MDN1: variants seen among roughly 807,000 people sequenced by gnomAD.
MDN1 encodes the protein midasin AAA ATPase 1, also known as midasin.
In MDN1, 266 loss-of-function variants were observed where a neutral mutation model predicts 669.2. The observed-to-expected ratio is 0.40, with a 90% CI of 0.36 to 0.44. The LOEUF (loss-of-function observed/expected upper bound fraction) is 0.44. Ranked by LOEUF, MDN1 falls within the 20% of genes least tolerant of loss-of-function variation. The pLI, the probability that MDN1 is intolerant of heterozygous loss-of-function variation, is 1.00. For missense variants in MDN1, 5,940 were observed against 6,754.0 expected, an observed-to-expected ratio of 0.88 and a Z score of 4.22; for synonymous variants, 2,385 against 2,457.1, an observed-to-expected ratio of 0.97 and a Z score of 0.87.
chr6:89,706,978 C>T (rs1312384222), intron 52 of MDN1, among the ~76,000 whole-genome samples: 2 of 152,000 alleles, frequency 1.3e-5, no homozygotes, highest in Non-Finnish European at 2.9e-5. Flanking sequence ...ATGCTCCCTC[C>T]TATAATAAAT....
rs746730673 is a variant in MDN1, at chr6:89,713,204, A to G, written c.7162T>C (p.Ser2388Pro). The G allele has an allele frequency of 2.5e-6, 4 of 1,614,120 alleles. No homozygotes were observed. In the South Asian group the frequency reaches 3.3e-5, roughly 13 times the overall value. Residue 2388 changes from serine to proline, a missense_variant, in exon 47 of 102, where the codon TCT (serine) becomes CCT (proline). This residue lies in a region of MDN1 where 2,292 missense variants were observed against 2,638.3 expected (regional missense o/e 0.87). Coordinates refer to ENST00000369393, the MANE Select transcript of MDN1 (RefSeq NM_014611.3). The stretch of plus-strand genomic sequence containing the variant: ...ACATATACTTCCCAGCATGCTTCAG[A>G]AAAGGCTCTGTCTAAACTCAGCCCT... Reference protein sequence around the residue: ...QRGLSLDRAFSEACWEVYVCS... With the variant: ...QRGLSLDRAFPEACWEVYVCS...
chr6:89,733,436 C>T (rs929877458), intron 33 of MDN1, among the ~76,000 whole-genome samples: 33 of 151,456 alleles, frequency 2.2e-4, no homozygotes, highest in African/African-American at 6.5e-4. Flanking sequence ...CTTTATAAAA[C>T]GTCTTAAGTC....
chr6:89,791,875 A>ATTT (rs66492732), intron 5 of MDN1, among the ~76,000 whole-genome samples: 189 of 113,974 alleles, frequency 1.7e-3, no homozygotes, highest in African/African-American at 2.2e-3. Flanking sequence ...AAAACTTTTA[A>ATTT]TTTTTTTTTT....
intron 1 of MDN1, among the ~76,000 whole-genome samples, chr6:89,808,838 G>GT (rs1408665362): frequency 6.6e-6 from 1 of 152,114 alleles, no homozygotes; most frequent in Non-Finnish European, 1.5e-5. Context: ...ATGTTTGAAC[G>GT]TTTTTCATAT....
At chr6:89,728,104 C>G (rs1386889437) in intron 36 of MDN1, 149 bp from the exon 37 acceptor site, 14 of 953,598 alleles carry the variant, frequency 1.5e-5, no homozygotes, top group Non-Finnish European at 2.1e-5. Context: ...AATCCCAGCT[C>G]TCTTTACCAG....
chr6:89,650,383 A>G (rs1270335227), intron 96 of MDN1, among the ~76,000 whole-genome samples, 185 bp from the exon 97 acceptor site: 1 of 152,226 alleles, frequency 6.6e-6, no homozygotes, highest in Non-Finnish European at 1.5e-5. Flanking sequence ...AAAACTGGAC[A>G]CGTATGTGGC....
chr6:89,747,462 G>C lies in MDN1; in HGVS notation c.3771C>G (p.Arg1257=). 1 of 1,613,386 alleles carries C rather than the reference G, an allele frequency of 6.2e-7. No individual in the cohort carries two copies. The highest frequency in any genetic ancestry group is 1.1e-5 in the South Asian group (1 of 90,960). Residue 1257 remains arginine (R), a synonymous_variant, in exon 27 of 102, where the codon CGC becomes CGG. Transcript: ENST00000369393. ...VKVMLDLQSY[R]RSSSVFAGKQ... is the part of the protein sequence containing the mutation. ...TTCCAGCAAACACTGAAGAACTTCT[G>C]CGATAGGACTGTTGAAGTATCAAAA...
At chr6:89,735,028 C>A (rs1330270103) in intron 33 of MDN1, among the ~76,000 whole-genome samples, 1 of 151,622 alleles carries the variant, frequency 6.6e-6, no homozygotes, top group Non-Finnish European at 1.5e-5. Context: ...GTAGCTGGGA[C>A]TACAGGCGCC....
chr6:89,671,995 A>G (rs1810814377), intron 82 of MDN1, among the ~76,000 whole-genome samples: 1 of 152,252 alleles, frequency 6.6e-6, no homozygotes. Context: ...TTCTGCACCT[A>G]TGCATCTAAC....
In MDN1 at chr6:89,723,126, A is replaced by AT; in HGVS notation, c.5795_5796insA (p.Val1933CysfsTer2). 1 of 1,614,046 alleles carries AT rather than the reference A, an allele frequency of 6.2e-7. No individual in the cohort carries two copies. The highest frequency in any genetic ancestry group is 8.5e-7 in the Non-Finnish European group (1 of 1,179,970). ...CTTTTTGCCCCCATTTCTTCTCAAC[A>AT]GTCACTTCATGATCAATCTAGAAAG... On this transcript the variant is annotated frameshift_variant, in exon 40 of 102. Transcript: ENST00000369393. LOFTEE classifies it high-confidence loss of function.
intron 5 of MDN1, among the ~76,000 whole-genome samples, chr6:89,792,779 C>T (rs1819349075): frequency 6.6e-6 from 1 of 151,740 alleles, no homozygotes; most frequent in East Asian, 1.9e-4. Flanking sequence ...GGTGTAGTGG[C>T]TCACGCTGAG....
At chr6:89,664,415 G>T in intron 85 of MDN1, 72 bp downstream of exon 85, 1 of 1,569,142 alleles carries the variant, frequency 6.4e-7, no homozygotes, top group Non-Finnish European at 8.7e-7. Flanking sequence ...TTCCTTATTA[G>T]GAACATGTAA....
At position 89,722,861 on chromosome 6, in the gene MDN1, A is replaced by T. The variant is rs547712150; in HGVS notation, c.5967+94T>A. ...AACCCAGTCTCAAAAAAAAAAAAAA[A>T]AAAAAAGGCTTGCAATTAGTGTATG... On this transcript the variant is annotated intron_variant, in intron 40 of 101. Transcript: ENST00000369393. 5.6e-4 allele frequency: 657 copies of T among 1,166,724 alleles called. 1 individual carries two copies. The highest frequency in any genetic ancestry group is 4.4e-3 in the African/African-American group (283 of 63,776). The allele number at this position is 1,166,724 out of a possible 1,614,324, so 72.3% of individuals were successfully genotyped here. A position where few individuals can be genotyped will look rare whatever the true frequency, so the allele number is the denominator to read the frequency against.
intron 27 of MDN1, among the ~76,000 whole-genome samples, chr6:89,746,307 G>A (rs1277819348): frequency 2.0e-5 from 3 of 152,042 alleles, no homozygotes; most frequent in South Asian, 2.1e-4. Context: ...AAAGTTTGCC[G>A]GGCATGGTGG....
chr6:89,661,662 A>C (rs889771834), intron 87 of MDN1, 84 bp from the exon 88 acceptor site: 3 of 1,323,172 alleles, frequency 2.3e-6, no homozygotes, highest in Non-Finnish European at 3.1e-6. Flanking sequence ...ATCAGCTCTA[A>C]GTATTTACAC....
chr6:89,662,083 T>C lies in MDN1; in HGVS notation c.14565+4A>G. On this transcript the variant is annotated splice_donor_region_variant and intron_variant, in intron 87 of 101. Coordinates refer to ENST00000369393, the MANE Select transcript of MDN1 (RefSeq NM_014611.3). ...AGAGCGGATCAGTTTCAAATCTTCA[T>C]TACCTCATCTATTTGTTCATTAATT... The C allele has an allele frequency of 6.2e-7, 1 of 1,610,542 alleles. No individual in the cohort carries two copies. The highest frequency in any genetic ancestry group is 1.1e-5 in the South Asian group (1 of 90,252).
intron 5 of MDN1, among the ~76,000 whole-genome samples, chr6:89,792,780 T>C (rs549204822): frequency 6.6e-6 from 1 of 151,984 alleles, no homozygotes; most frequent in South Asian, 2.1e-4. Flanking sequence ...GTGTAGTGGC[T>C]CACGCTGAGG....
chr6:89,676,911 T>C (rs142060009), intron 76 of MDN1, among the ~76,000 whole-genome samples: 1 of 151,366 alleles, frequency 6.6e-6, no homozygotes, highest in Non-Finnish European at 1.5e-5. Context: ...TATTAGAACT[T>C]ATGAGGAGTG....
chr6:89,712,056 T>C lies in MDN1; in HGVS notation c.7631A>G (p.Lys2544Arg). Residue 2544 changes from lysine (K) to arginine (R), a missense_variant, in exon 49 of 102, where the codon AAG (lysine) becomes AGG (arginine). Coordinates refer to ENST00000369393, the MANE Select transcript of MDN1 (RefSeq NM_014611.3). ...CTCACCAAGCCCCTGCGGTATATTC[T>C]TGGCTAAATGATAAAGCCATTTAAC... ...LRVKWLYHLA[K>R]NIPQGLESIQ... The C allele has an allele frequency of 1.9e-6, 3 of 1,614,078 alleles. No individual in the cohort carries two copies. The highest frequency in any genetic ancestry group is 2.5e-6 in the Non-Finnish European group (3 of 1,179,944).
Sources: gnomAD v4.1 joint callset for allele counts (sites outside exome capture counted in the v4.1 genomes callset) on GRCh38, gnomAD v4.1.1 for gene constraint, gnomAD v4.1.1 regional missense constraint, MANE v1.5 for transcripts, NCBI Gene and HGNC (gene_info 2026-07-23, HGNC 2026-07-21) for gene names.